The following NELL1 variants were observed in gnomAD, a reference collection of about 807,000 sequenced individuals.
The protein encoded by NELL1 is protein kinase C-binding protein NELL1.
A neutral mutation model predicts 107.4 loss-of-function variants in NELL1; 76 were observed. The ratio of observed to expected loss-of-function variants is 0.71; its 90% CI spans 0.59 to 0.86. The LOEUF (loss-of-function observed/expected upper bound fraction) is 0.86, where lower values mean the gene tolerates loss of function less well. Among genes scored for constraint, NELL1 ranks in the 40% least tolerant of loss-of-function variants. The pLI, the probability that NELL1 is intolerant of heterozygous loss-of-function variation, is 0.00. For synonymous variants in NELL1, 353 were observed against 341.2 expected, an observed-to-expected ratio of 1.03 and a Z score of -0.38; for missense variants, 1,024 against 1,005.5, an observed-to-expected ratio of 1.02 and a Z score of -0.25.
intron 13 of NELL1, among the ~76,000 whole-genome samples, chr11:21,217,450 T>C (rs1005446401): frequency 1.3e-5 from 2 of 152,116 alleles, no homozygotes; most frequent in African/African-American, 4.8e-5. Flanking sequence ...CAACTTCCTG[T>C]GAATCTGTAA....
intron 13 of NELL1, among the ~76,000 whole-genome samples, chr11:21,222,474 G>T (rs1348827740): frequency 6.6e-6 from 1 of 152,154 alleles, no homozygotes; most frequent in East Asian, 1.9e-4. Flanking sequence ...GGGATTACAG[G>T]CGTGAGCCAC....
rs573630687 is a variant in NELL1, at chr11:21,546,667, G to T, written c.1786+12153G>T. Among the ~76,000 whole-genome samples the T allele has an allele frequency of 5.9e-5, 9 of 152,064 alleles. No individual in the cohort carries two copies. In the East Asian group the frequency reaches 1.2e-3, roughly 20 times the overall value. ...CCTTTGCCTTCATCATGATGGTGAG[G>T]CCTCCCCAGCCATGTGGAACTGTGA... is the stretch of plus-strand genomic sequence containing the variant. On this transcript the variant is annotated intron_variant, in intron 16 of 19. Transcript: ENST00000357134.
At chr11:21,409,878 A>T (rs574788265) in intron 15 of NELL1, among the ~76,000 whole-genome samples, 31 of 152,142 alleles carry the variant, frequency 2.0e-4, no homozygotes, top group African/African-American at 7.5e-4. Flanking sequence ...ATGCATGACG[A>T]TGAGAAAACA....
chr11:21,035,572 G>C (rs985028323), intron 12 of NELL1, among the ~76,000 whole-genome samples: 1 of 151,612 alleles, frequency 6.6e-6, no homozygotes, highest in African/African-American at 2.4e-5. Context: ...ACGCAAGCTT[G>C]GTTCAACATA....
intron 15 of NELL1, chr11:21,383,780 T>C (rs1273733602): frequency 6.6e-6 from 1 of 151,264 alleles, no homozygotes; most frequent in Non-Finnish European, 1.5e-5. Flanking sequence ...ATAGTCCTGA[T>C]TTTCCCCCCT....
chr11:21,319,494 TTATATATA>T lies in NELL1; in HGVS notation c.1550-51343_1550-51336del, dbSNP rs143740709. Among the ~76,000 whole-genome samples, 765 of 135,622 alleles carry T rather than the reference TTATATATA, an allele frequency of 5.6e-3. 6 individuals are homozygous for T. The highest frequency in any genetic ancestry group is 0.015 in the Middle Eastern group (4 of 268). 89.0% of individuals were successfully genotyped at this position (135,622 alleles called of 152,430 possible). On this transcript the variant is annotated intron_variant, in intron 14 of 19. Transcript: ENST00000357134. ...CATGAGCCACCATGCCCAGCTAAATTTATATATATATATATATATATATTTTTAGTAGA... is the reference window on the plus strand; with the variant it reads ...CATGAGCCACCATGCCCAGCTAAATTTATATATATATATATTTTTAGTAGA...
intron 15 of NELL1, among the ~76,000 whole-genome samples, chr11:21,423,786 A>G (rs971981380): frequency 6.6e-6 from 1 of 152,240 alleles, no homozygotes; most frequent in African/African-American, 2.4e-5. Context: ...TTTCCCGTCT[A>G]CAACAGGATG....
At chr11:21,006,751 G>C (rs139019093) in intron 12 of NELL1, among the ~76,000 whole-genome samples, 1 of 152,080 alleles carries the variant, frequency 6.6e-6, no homozygotes, top group African/African-American at 2.4e-5. Context: ...AGAGCTTGGC[G>C]TTGGAGTTTT....
chr11:21,164,482 C>T (rs1295646942), intron 13 of NELL1, among the ~76,000 whole-genome samples: 1 of 152,028 alleles, frequency 6.6e-6, no homozygotes, highest in Non-Finnish European at 1.5e-5. Context: ...GGTGTTTGTT[C>T]CTTTATTGAC....
intron 14 of NELL1, among the ~76,000 whole-genome samples, chr11:21,336,670 T>TACACACACACACACACAC (rs374935775): frequency 1.0e-4 from 10 of 95,862 alleles, no homozygotes; most frequent in African/African-American, 3.6e-4. Flanking sequence ...TATATATATA[T>TACACACACACACACACAC]ATATACACAC....
At chr11:21,080,521 T>C (rs1207431949) in intron 12 of NELL1, among the ~76,000 whole-genome samples, 5 of 152,130 alleles carry the variant, frequency 3.3e-5, no homozygotes, top group Non-Finnish European at 7.4e-5. Flanking sequence ...TCATATTATA[T>C]CTTTCTATGC....
intron 15 of NELL1, among the ~76,000 whole-genome samples, chr11:21,426,721 G>T (rs1217717332): frequency 6.6e-6 from 1 of 152,126 alleles, no homozygotes; most frequent in East Asian, 1.9e-4. Context: ...TGTGTATCAG[G>T]CAGGGTGCAG....
At position 21,189,821 on chromosome 11, in the gene NELL1, T is replaced by A. The variant is rs573029724; in HGVS notation, c.1427-39511T>A. On this transcript the variant is annotated intron_variant, in intron 13 of 19. Coordinates refer to ENST00000357134, the MANE Select transcript of NELL1 (RefSeq NM_006157.5). ...GGTTTTATTATTGATCTACAAAGGATGTTGTAACTATTGAAATGTAAGAAA... is the reference window on the plus strand; with the variant it reads ...GGTTTTATTATTGATCTACAAAGGAAGTTGTAACTATTGAAATGTAAGAAA... 1.3e-3 allele frequency among the ~76,000 whole-genome samples: 191 copies of A among 151,946 alleles called. 5 individuals are homozygous for A. Among genetic ancestry groups the A allele is most frequent in the African/African-American group, 4.5e-3 (187 of 41,222 alleles).
intron 13 of NELL1, among the ~76,000 whole-genome samples, chr11:21,194,585 G>A (rs1407831289): frequency 6.6e-6 from 1 of 152,110 alleles, no homozygotes; most frequent in East Asian, 1.9e-4. Flanking sequence ...GATTCTCAAA[G>A]TGTGGCTCCT....
intron 13 of NELL1, among the ~76,000 whole-genome samples, chr11:21,211,268 G>A (rs1009378389): frequency 3.3e-5 from 5 of 152,000 alleles, no homozygotes; most frequent in Admixed American, 1.3e-4. Flanking sequence ...AAGGATAAGC[G>A]GATATTACGT....
chr11:20,874,268 A>C (rs571711445), intron 4 of NELL1, among the ~76,000 whole-genome samples: 2 of 152,254 alleles, frequency 1.3e-5, no homozygotes, highest in East Asian at 1.9e-4. Flanking sequence ...AGGTTTCATC[A>C]TATTGATCAG....
At chr11:21,507,808 G>A (rs1855324830) in intron 15 of NELL1, among the ~76,000 whole-genome samples, 1 of 149,160 alleles carries the variant, frequency 6.7e-6, no homozygotes, top group African/African-American at 2.5e-5. Context: ...TTGAGACGGA[G>A]TCTCACTCTG....
chr11:21,314,809 T>G (rs1182058521), intron 14 of NELL1, among the ~76,000 whole-genome samples: 3 of 152,126 alleles, frequency 2.0e-5, no homozygotes, highest in Non-Finnish European at 4.4e-5. Flanking sequence ...TTGGAAAGAT[T>G]ATTGGCTGAT....
At chr11:20,937,939 T>A in intron 10 of NELL1, 80 bp downstream of exon 10, 1 of 1,312,526 alleles carries the variant, frequency 7.6e-7, no homozygotes, top group Non-Finnish European at 1.1e-6. Flanking sequence ...GGTTCTTGAG[T>A]GGGGCATATT....
Sources: gnomAD v4.1 joint callset for allele counts (sites outside exome capture counted in the v4.1 genomes callset) on GRCh38, gnomAD v4.1.1 for gene constraint, MANE v1.5 for transcripts, NCBI Gene and HGNC (gene_info 2026-07-23, HGNC 2026-07-21) for gene names.